GTF2IRD1: variants seen among roughly 807,000 people sequenced by gnomAD.
The protein encoded by GTF2IRD1 is GTF2I repeat domain containing 1, also known as general transcription factor II-I repeat domain-containing protein 1.
A neutral mutation model predicts 113.2 loss-of-function variants in GTF2IRD1; 26 were observed. That is an observed-to-expected ratio of 0.23 (90% CI 0.17 to 0.32). The LOEUF (loss-of-function observed/expected upper bound fraction) is 0.32, where lower values mean the gene tolerates loss of function less well. Ranked by LOEUF, GTF2IRD1 falls within the 10% of genes least tolerant of loss-of-function variation. The probability of loss-of-function intolerance (pLI) is 1.00; values close to 1 mark genes in which losing one functional copy is unlikely to be tolerated. For missense variants in GTF2IRD1, 864 were observed against 1,280.8 expected, an observed-to-expected ratio of 0.67 and a Z score of 4.97; for synonymous variants, 484 against 529.1, an observed-to-expected ratio of 0.91 and a Z score of 1.17.
chr7:74,492,030 G>A (rs1464756073), intron 1 of GTF2IRD1, among the ~76,000 whole-genome samples: 2 of 152,062 alleles, frequency 1.3e-5, no homozygotes, highest in African/African-American at 4.8e-5. Flanking sequence ...TTGAGACGGA[G>A]TCTTACTCTG....
chr7:74,497,628 A>G (rs781910297), intron 1 of GTF2IRD1, among the ~76,000 whole-genome samples: 2 of 151,946 alleles, frequency 1.3e-5, no homozygotes, highest in African/African-American at 4.8e-5. Context: ...TTGCATCCCT[A>G]CCAGCAGCAC....
chr7:74,549,324 C>T (rs1468547201), intron 17 of GTF2IRD1, among the ~76,000 whole-genome samples: 13 of 149,964 alleles, frequency 8.7e-5, no homozygotes, highest in African/African-American at 3.2e-4. Flanking sequence ...AAAAAATAGG[C>T]TTGGTTTGGT....
At chr7:74,557,955 C>T (rs142868772) in intron 20 of GTF2IRD1, among the ~76,000 whole-genome samples, 24 of 152,228 alleles carry the variant, frequency 1.6e-4, no homozygotes, top group African/African-American at 5.1e-4. Flanking sequence ...AGGTGAGATA[C>T]ACTTTCAAGA....
At chr7:74,569,373 C>G (rs1800546167) in intron 22 of GTF2IRD1, among the ~76,000 whole-genome samples, 1 of 152,176 alleles carries the variant, frequency 6.6e-6, no homozygotes, top group Admixed American at 6.5e-5. Context: ...CAGCCTGAAA[C>G]AGACAAAAAT....
chr7:74,536,582 C>T (rs1444004793), intron 11 of GTF2IRD1, among the ~76,000 whole-genome samples: 11 of 151,564 alleles, frequency 7.3e-5, no homozygotes, highest in East Asian at 2.0e-4. Flanking sequence ...CCGAGGCGGG[C>T]GGATCTCTTG....
chr7:74,503,487 G>A (rs1048198736), intron 1 of GTF2IRD1, among the ~76,000 whole-genome samples: 2 of 152,026 alleles, frequency 1.3e-5, no homozygotes, highest in African/African-American at 4.8e-5. Context: ...TTTTAGGCCG[G>A]GCTGTAATCC....
At position 74,560,334 on chromosome 7, in the gene GTF2IRD1, C is replaced by T. The variant is rs1486380218; in HGVS notation, c.2320+679C>T. On this transcript the variant is annotated intron_variant, in intron 22 of 26. Transcript: ENST00000424337. ...GGTTGGAGGTGAGTGGGTTCCTAACCGCAGAAGGAGGGGTGTCTGCATGGG... is the reference window on the plus strand; with the variant it reads ...GGTTGGAGGTGAGTGGGTTCCTAACTGCAGAAGGAGGGGTGTCTGCATGGG... 5.9e-5 allele frequency among the ~76,000 whole-genome samples: 9 copies of T among 151,996 alleles called. No individual in the cohort carries two copies. In the East Asian group the frequency reaches 1.4e-3, roughly 23 times the overall value.
intron 9 of GTF2IRD1, among the ~76,000 whole-genome samples, chr7:74,534,817 C>A (rs942494786): frequency 9.2e-5 from 14 of 152,128 alleles, no homozygotes; most frequent in Non-Finnish European, 5.9e-5. Flanking sequence ...GCAGAAGAAT[C>A]GCTTGAACCC....
chr7:74,507,538 G>A (rs1554341414), intron 1 of GTF2IRD1: 1 of 152,642 alleles, frequency 6.6e-6, no homozygotes, highest in Non-Finnish European at 1.5e-5. Flanking sequence ...GCAGGACCAG[G>A]AAGGGTGCTT....
At chr7:74,477,523 C>A (rs1281625644) in intron 1 of GTF2IRD1, among the ~76,000 whole-genome samples, 1 of 151,588 alleles carries the variant, frequency 6.6e-6, no homozygotes, top group Non-Finnish European at 1.5e-5. Flanking sequence ...GCATGGGGAT[C>A]CTTCCATCTG....
At chr7:74,538,905 T>C in intron 13 of GTF2IRD1, 145 bp downstream of exon 13, 1 of 612,326 alleles carries the variant, frequency 1.6e-6, no homozygotes, top group Non-Finnish European at 2.9e-6. Context: ...TGTGAATGCT[T>C]TTTCTGGCCA....
intron 25 of GTF2IRD1, 88 bp from the exon 26 acceptor site, chr7:74,600,956 A>T: frequency 6.9e-7 from 1 of 1,453,320 alleles, no homozygotes; most frequent in Non-Finnish European, 9.6e-7. Flanking sequence ...TCGAAACCTT[A>T]AGACAGAGCA....
chr7:74,529,209 G>A (rs893804798), intron 8 of GTF2IRD1, among the ~76,000 whole-genome samples: 3 of 152,094 alleles, frequency 2.0e-5, no homozygotes, highest in Admixed American at 6.5e-5. Context: ...AGTCACATAC[G>A]TAGGACTTTG....
chr7:74,575,731 G>T (rs1170437524), intron 22 of GTF2IRD1, among the ~76,000 whole-genome samples: 5 of 152,184 alleles, frequency 3.3e-5, no homozygotes, highest in African/African-American at 1.2e-4. Context: ...CAGGGAAGAT[G>T]CAGGAGAAGC....
intron 23 of GTF2IRD1, among the ~76,000 whole-genome samples, chr7:74,590,593 G>A (rs782242252): frequency 1.3e-5 from 2 of 151,470 alleles, no homozygotes; most frequent in Non-Finnish European, 2.9e-5. Flanking sequence ...AGGTTTTACC[G>A]AGTTAGCCAC....
intron 1 of GTF2IRD1, among the ~76,000 whole-genome samples, chr7:74,494,520 G>T (rs782494290): frequency 5.3e-5 from 8 of 152,198 alleles, no homozygotes; most frequent in Non-Finnish European, 7.3e-5. Context: ...ACGTGTTGGC[G>T]CTGCCCACAC....
At chr7:74,591,825 G>A (rs1259778177) in intron 24 of GTF2IRD1, among the ~76,000 whole-genome samples, 1 of 151,914 alleles carries the variant, frequency 6.6e-6, no homozygotes. Context: ...TCACTGTATT[G>A]CCCAGGCTGG....
intron 1 of GTF2IRD1, among the ~76,000 whole-genome samples, chr7:74,489,554 C>G (rs1808234): frequency 0.66 from 99,881 of 151,972 alleles, 33,147 homozygotes; most frequent in Admixed American, 0.72. Flanking sequence ...TGTTGGCCAG[C>G]CTGGTCTCAA....
At chr7:74,536,974 G>C (rs1239609338) in intron 11 of GTF2IRD1, among the ~76,000 whole-genome samples, 1 of 152,102 alleles carries the variant, frequency 6.6e-6, no homozygotes, top group African/African-American at 2.4e-5. Context: ...AGCTGGGCGT[G>C]GTGGCTGGTA....
Sources: allele counts gnomAD v4.1 joint callset (sites outside exome capture counted in the v4.1 genomes callset), GRCh38; gene constraint gnomAD v4.1.1; transcripts MANE v1.5; gene names NCBI Gene and HGNC (gene_info 2026-07-23, HGNC 2026-07-21).